The following HTT variants were observed in gnomAD, a reference collection of about 807,000 sequenced individuals.
HTT encodes the protein huntingtin.
In HTT, 104 loss-of-function variants were observed where a neutral mutation model predicts 362.3. The observed-to-expected ratio is 0.29, with a 90% CI of 0.24 to 0.34. HTT has a LOEUF of 0.34. Ranked by LOEUF, HTT falls within the 10% of genes least tolerant of loss-of-function variation. The pLI, the probability that HTT is intolerant of heterozygous loss-of-function variation, is 1.00. For synonymous variants in HTT, 1,577 were observed against 1,548.7 expected, an observed-to-expected ratio of 1.02 and a Z score of -0.43; for missense variants, 3,301 against 3,928.6, an observed-to-expected ratio of 0.84 and a Z score of 4.27.
At chr4:3,136,668 A>G (rs61792512) in intron 21 of HTT, among the ~76,000 whole-genome samples, 9,862 of 151,970 alleles carry the variant, frequency 0.065, 360 homozygotes, top group African/African-American at 0.097. Context: ...TATATACTCT[A>G]TGAGTTTCTT....
intron 18 of HTT, among the ~76,000 whole-genome samples, chr4:3,133,403 G>A (rs571440235): frequency 2.1e-4 from 32 of 151,988 alleles, no homozygotes; most frequent in African/African-American, 7.5e-4. Flanking sequence ...TGAGGTGGAG[G>A]GGGGATTGCT....
chr4:3,078,446 G>A (rs3856973), intron 1 of HTT, among the ~76,000 whole-genome samples: 66,008 of 152,160 alleles, frequency 0.43, 14,641 homozygotes, highest in African/African-American at 0.47. Context: ...AGGGTTAATC[G>A]AGTGTTAACT....
rs556126952 is a variant in HTT, at chr4:3,243,202, T to C, written c.*3143T>C. 1 of 152,766 alleles carries C rather than the reference T, an allele frequency of 6.5e-6. No homozygotes were observed. The highest frequency in any genetic ancestry group is 2.1e-4 in the South Asian group (1 of 4,822). 9.5% of individuals were successfully genotyped at this position (152,766 alleles called of 1,614,324 possible). ...GCCTGGCAGGTGGAACTTCCTCCCG[T>C]TGCGGGGTGGAGTGAGGTTAGTTCT... On this transcript the variant is annotated 3_prime_UTR_variant, in exon 67 of 67. Transcript: ENST00000355072.
In HTT at chr4:3,212,653, C is replaced by G. The variant is rs763976827; in HGVS notation, c.6718C>G (p.His2240Asp). ...VVVSKLPSHL[H>D]LPPEKEKDIV... ...GGTCTCCAAACTGCCCAGTCATTTG[C>G]ACCTTCCTCCTGAGAAAGAGAAGGA... The change falls in exon 49 of 67, where the codon CAC (histidine) becomes GAC (aspartate). Residue 2240 changes from histidine (H) to aspartate (D), a missense_variant. Around this residue, in one of 4 missense-constraint regions of HTT, gnomAD observed 220 missense variants for 218.5 expected, o/e 1.01. Coordinates refer to ENST00000355072, the MANE Select transcript of HTT (RefSeq NM_001388492.1). The G allele has an allele frequency of 6.2e-7, 1 of 1,614,120 alleles. No individual in the cohort carries two copies. The highest frequency in any genetic ancestry group is 1.3e-5 in the African/African-American group (1 of 74,932).
Position 3,074,758 on chromosome 4 carries a change from C to A in HTT, c.-68C>A. ...CGGCCCAGAGCCCCATTCATTGCCC[C>A]GGTGCTGAGCGGCGCCGCGAGTCGG... On this transcript the variant is annotated 5_prime_UTR_variant, in exon 1 of 67. Coordinates refer to ENST00000355072, the MANE Select transcript of HTT (RefSeq NM_001388492.1). 1 of 1,470,098 alleles carries A rather than the reference C, an allele frequency of 6.8e-7. No individual in the cohort carries two copies. The highest frequency in any genetic ancestry group is 9.0e-7 in the Non-Finnish European group (1 of 1,107,482). The allele number at this position is 1,470,098 out of a possible 1,614,324, so 91.1% of individuals were successfully genotyped here.
At chr4:3,216,708 C>T (rs977896171) in intron 51 of HTT, among the ~76,000 whole-genome samples, 2 of 151,918 alleles carry the variant, frequency 1.3e-5, no homozygotes, top group African/African-American at 2.4e-5. Flanking sequence ...CTCGATAGGA[C>T]GTTACTTCTT....
chr4:3,236,927 T>C (rs1721564818), intron 64 of HTT, among the ~76,000 whole-genome samples: 1 of 152,190 alleles, frequency 6.6e-6, no homozygotes, highest in Non-Finnish European at 1.5e-5. Context: ...TGCACTGCCT[T>C]GCCTGTGCTC....
At chr4:3,169,351 C>G (rs1396111852) in intron 29 of HTT, among the ~76,000 whole-genome samples, 1 of 151,994 alleles carries the variant, frequency 6.6e-6, no homozygotes, top group Non-Finnish European at 1.5e-5. Context: ...TTTTTTCTGC[C>G]CTGCCTCCCT....
rs1476871960 is a variant in HTT at position 3,206,077 on chromosome 4, T to A, written c.5719-419T>A. ...ATCACAAAATTGGAAAAAGAGTAAT[T>A]GGAGAACCCCACTGGCTTAGCCGGC... On this transcript the variant is annotated intron_variant, in intron 42 of 66. Coordinates refer to ENST00000355072, the MANE Select transcript of HTT (RefSeq NM_001388492.1). This position sits in a 1 kb window ranked among gnomAD's most constrained non-coding sequence, Gnocchi z 4.6. Among the ~76,000 whole-genome samples, 2 of 152,246 alleles carry A rather than the reference T, an allele frequency of 1.3e-5. No individual in the cohort carries two copies. The highest frequency in any genetic ancestry group is 4.8e-5 in the African/African-American group (2 of 41,466).
Position 3,223,489 on chromosome 4 carries a change from G to A in HTT, c.7554G>A (p.Val2518=), listed in dbSNP as rs560138731. 8.3e-5 allele frequency: 134 copies of A among 1,614,030 alleles called. No homozygotes were observed. The East Asian group carries it at 2.4e-3, about 28-fold the overall frequency. The part of the protein sequence containing the change: ...SLVLSAMTVP[V]AGNPAVSCLE... ...TGCTCAGTGCAATGACTGTGCCTGT[G>A]GCCGGCAACCCAGCTGTAAGCTGCT... The change falls in exon 55 of 67, where the codon GTG becomes GTA. Residue 2518 remains valine (V), a synonymous_variant. Transcript: ENST00000355072.
chr4:3,147,237 T>C (rs1442418149), intron 25 of HTT, among the ~76,000 whole-genome samples: 2 of 152,214 alleles, frequency 1.3e-5, no homozygotes, highest in Admixed American at 6.5e-5. Flanking sequence ...CAGTACTCCC[T>C]CGGGCACTGG....
chr4:3,090,416 T>A (rs1449529831), intron 2 of HTT, among the ~76,000 whole-genome samples: 1 of 152,234 alleles, frequency 6.6e-6, no homozygotes, highest in Non-Finnish European at 1.5e-5. Context: ...TTCACAAGTA[T>A]CCTCTTGGGA....
At chr4:3,225,884 C>T in intron 57 of HTT, 141 bp downstream of exon 57, 1 of 635,828 alleles carries the variant, frequency 1.6e-6, no homozygotes, top group South Asian at 2.0e-5. Flanking sequence ...ATTTAATGTT[C>T]ATTGTTTTTA....
rs913470543 is a variant in HTT, at chr4:3,241,141, T to G, written c.*1082T>G. ...GCAGGTGTTGGGACCTGCTGCTCCA[T>G]GGATGCATGCCCTAAGAGTGTCACT... On this transcript the variant is annotated 3_prime_UTR_variant, in exon 67 of 67. Transcript: ENST00000355072. 6 of 152,540 alleles carry G rather than the reference T, an allele frequency of 3.9e-5. No homozygotes were observed. Among genetic ancestry groups the G allele is most frequent in the African/African-American group, 1.4e-4 (6 of 41,580 alleles). The allele number at this position is 152,540 out of a possible 1,614,324, so 9.4% of individuals were successfully genotyped here. A position where few individuals can be genotyped will look rare whatever the true frequency, so the allele number is the denominator to read the frequency against.
At position 3,235,333 on chromosome 4, in the gene HTT, G is replaced by C; in HGVS notation, c.8506G>C (p.Ala2836Pro). 6.2e-7 allele frequency: 1 copy of C among 1,614,074 alleles called. No individual in the cohort carries two copies. The highest frequency in any genetic ancestry group is 8.5e-7 in the Non-Finnish European group (1 of 1,179,942). ...QQHVLVMCAT[A>P]FYLIENYPLD... The stretch of plus-strand genomic sequence containing the variant: ...GCACGTACTGGTCATGTGTGCCACT[G>C]CGTTTTACCTCATTGAGAACTATCC... The change falls in exon 62 of 67, where the codon GCG (alanine) becomes CCG (proline). Residue 2836 changes from alanine to proline, a missense_variant. Transcript: ENST00000355072.
chr4:3,079,944 T>A (rs774720254), intron 1 of HTT, among the ~76,000 whole-genome samples: 35 of 152,208 alleles, frequency 2.3e-4, no homozygotes, highest in Non-Finnish European at 4.8e-4. Flanking sequence ...GTATAACAAT[T>A]TAGCAGTAGC....
rs1716043022 is a variant in HTT, at chr4:3,135,925, A to C, written c.2655A>C (p.Ala885=). 2 of 1,603,462 alleles carry C rather than the reference A, an allele frequency of 1.2e-6. No individual in the cohort carries two copies. Among genetic ancestry groups the C allele is most frequent in the East Asian group, 2.3e-5 (1 of 44,436 alleles). Reference sequence around the variant, plus strand: ...TTAGGCTGGTGAGCTTTTTGGAGGCAAAAGCAGAAAACTTACACAGAGGGG... The same window carrying C: ...TTAGGCTGGTGAGCTTTTTGGAGGCCAAAGCAGAAAACTTACACAGAGGGG... ...IDFRLVSFLE[A]KAENLHRGAH... is the part of the protein sequence containing the mutation. Residue 885 remains alanine, a synonymous_variant, in exon 20 of 67, where the codon GCA becomes GCC. Transcript: ENST00000355072.
chr4:3,227,209 GT>G (rs1720963428), intron 57 of HTT, among the ~76,000 whole-genome samples: 1 of 152,176 alleles, frequency 6.6e-6, no homozygotes, highest in South Asian at 2.1e-4. Context: ...CTGAAGTACG[GT>G]CCCACCCCTG....
rs1232134368 is a variant in HTT at position 3,115,283 on chromosome 4, C to T, written c.748-21C>T. The T allele has an allele frequency of 1.9e-6, 3 of 1,610,640 alleles. No homozygotes were observed. In the Admixed American group the frequency reaches 5.0e-5, roughly 27 times the overall value. On this transcript the variant is annotated intron_variant, in intron 6 of 66. Coordinates refer to ENST00000355072, the MANE Select transcript of HTT (RefSeq NM_001388492.1). ...TCATAGGAGCTTCATCTTTTATCTA[C>T]TTGGACTTTTGCTTCCGTAGGTTTT...
Sources: allele counts gnomAD v4.1 joint callset (sites outside exome capture counted in the v4.1 genomes callset), GRCh38; gene constraint gnomAD v4.1.1; regional missense constraint gnomAD v4.1.1; non-coding constraint Gnocchi (gnomAD v3.1); transcripts MANE v1.5; gene names NCBI Gene and HGNC (gene_info 2026-07-23, HGNC 2026-07-21).